The following DGKD variants were observed in gnomAD, a reference collection of about 807,000 sequenced individuals.
DGKD encodes DAG kinase delta.
A neutral mutation model predicts 154.4 loss-of-function variants in DGKD; 68 were observed. The ratio of observed to expected loss-of-function variants is 0.44; its 90% CI spans 0.36 to 0.54. The LOEUF (loss-of-function observed/expected upper bound fraction) is 0.54, where lower values mean the gene tolerates loss of function less well. Ranked by LOEUF, DGKD falls within the 20% of genes least tolerant of loss-of-function variation. The pLI is 0.00. For missense variants in DGKD, 1,343 were observed against 1,593.6 expected (o/e 0.84, Z 2.68); for synonymous variants, 693 against 638.0 (o/e 1.09, Z -1.30).
intron 3 of DGKD, among the ~76,000 whole-genome samples, chr2:233,412,577 C>T (rs1383324305): frequency 6.6e-6 from 1 of 152,130 alleles, no homozygotes; most frequent in Non-Finnish European, 1.5e-5. Context: ...GACTCACATG[C>T]CTTTTATTTA....
chr2:233,379,155 G>C (rs936862388), intron 1 of DGKD, among the ~76,000 whole-genome samples: 1 of 152,168 alleles, frequency 6.6e-6, no homozygotes, highest in East Asian at 1.9e-4. Context: ...CTTGCAAAGC[G>C]GTGATAGCTA....
chr2:233,416,643 C>T (rs950967748), intron 3 of DGKD, among the ~76,000 whole-genome samples: 5 of 152,204 alleles, frequency 3.3e-5, no homozygotes, highest in Non-Finnish European at 5.9e-5. Flanking sequence ...ATTATGACAG[C>T]GTGGTGGCTG....
intron 3 of DGKD, among the ~76,000 whole-genome samples, chr2:233,414,408 A>C (rs1362656690): frequency 6.6e-6 from 1 of 152,202 alleles, no homozygotes; most frequent in Non-Finnish European, 1.5e-5. Flanking sequence ...ATGGACCTGT[A>C]GTCTCTCCTG....
At chr2:233,398,195 T>G (rs372861125) in intron 3 of DGKD, among the ~76,000 whole-genome samples, 1 of 150,432 alleles carries the variant, frequency 6.6e-6, no homozygotes, top group Admixed American at 6.7e-5. Context: ...CAGGCTGGAG[T>G]GCAGTGGTGC....
intron 3 of DGKD, among the ~76,000 whole-genome samples, chr2:233,431,195 T>C (rs6717577): frequency 6.6e-6 from 1 of 152,136 alleles, no homozygotes; most frequent in African/African-American, 2.4e-5. Flanking sequence ...GTGCACAATC[T>C]GCAAAAGAAA....
intron 26 of DGKD, 162 bp from the exon 27 acceptor site, chr2:233,464,002 G>A (rs1202606394): frequency 7.8e-6 from 7 of 898,404 alleles, no homozygotes; most frequent in African/African-American, 1.7e-5. Flanking sequence ...GTGAGGTTCT[G>A]GGTTTGGTTC....
At chr2:233,430,777 G>A (rs2062482342) in intron 3 of DGKD, among the ~76,000 whole-genome samples, 1 of 152,118 alleles carries the variant, frequency 6.6e-6, no homozygotes, top group Non-Finnish European at 1.5e-5. Context: ...TTTACCTCCT[G>A]TCAGTACTTG....
At chr2:233,380,161 GAA>G (rs1298721548) in intron 1 of DGKD, among the ~76,000 whole-genome samples, 1 of 152,146 alleles carries the variant, frequency 6.6e-6, no homozygotes, top group African/African-American at 2.4e-5. Flanking sequence ...AGTGAAGGAG[GAA>G]AAGAGTTGAG....
At chr2:233,412,964 A>C (rs2061863995) in intron 3 of DGKD, among the ~76,000 whole-genome samples, 1 of 152,112 alleles carries the variant, frequency 6.6e-6, no homozygotes, top group Non-Finnish European at 1.5e-5. Context: ...TTTTTTATTT[A>C]TTGTTGGATT....
At chr2:233,437,665 C>G (rs1018132399) in intron 8 of DGKD, among the ~76,000 whole-genome samples, 186 bp downstream of exon 8, 1 of 152,224 alleles carries the variant, frequency 6.6e-6, no homozygotes, top group African/African-American at 2.4e-5. Flanking sequence ...TGCGGCATTG[C>G]CCTTAGATGG....
Position 233,403,712 on chromosome 2 carries a change from T to C in DGKD, c.348+13229T>C, listed in dbSNP as rs1158395339. On this transcript the variant is annotated intron_variant, in intron 3 of 29. Coordinates refer to ENST00000264057, the MANE Select transcript of DGKD (RefSeq NM_152879.3). ...CGGAGTGTAGTGGCGCGATTTAGGC[T>C]CATTGCAACCTCTGCCTCCCGGGTT... 2.6e-5 allele frequency among the ~76,000 whole-genome samples: 4 copies of C among 151,526 alleles called. No homozygotes were observed. The East Asian group carries it at 7.8e-4, about 30-fold the overall frequency.
intron 1 of DGKD, among the ~76,000 whole-genome samples, chr2:233,361,596 C>T (rs980980976): frequency 5.3e-5 from 8 of 152,082 alleles, no homozygotes; most frequent in South Asian, 2.1e-4. Context: ...GGAGGAGACA[C>T]GAGATCAGAT....
At chr2:233,385,782 A>G (rs1200452323) in intron 1 of DGKD, among the ~76,000 whole-genome samples, 4 of 152,220 alleles carry the variant, frequency 2.6e-5, no homozygotes, top group Admixed American at 2.6e-4. Flanking sequence ...TCTGCAGCAT[A>G]TCTATAGTAC....
At position 233,388,246 on chromosome 2, in the gene DGKD, T is replaced by C. The variant is rs781262943; in HGVS notation, c.157-11T>C. ...AAACGCAAGTTTATGAATATGTTTC[T>C]GTACTTTCAGACCATCATCAAAGAG... On this transcript the variant is annotated splice_polypyrimidine_tract_variant and intron_variant, in intron 1 of 29. Transcript: ENST00000264057. The C allele has an allele frequency of 1.2e-6, 2 of 1,608,436 alleles. No homozygotes were observed. The highest frequency in any genetic ancestry group is 3.4e-5 in the Admixed American group (2 of 57,982).
chr2:233,354,578 G>A lies in DGKD; in HGVS notation c.60G>A (p.Pro20=). 1 of 1,086,418 alleles carries A rather than the reference G, an allele frequency of 9.2e-7. No individual in the cohort carries two copies. The highest frequency in any genetic ancestry group is 1.1e-6 in the Non-Finnish European group (1 of 883,376). The allele number at this position is 1,086,418 out of a possible 1,614,324, so 67.3% of individuals were successfully genotyped here. A position where few individuals can be genotyped will look rare whatever the true frequency, so the allele number is the denominator to read the frequency against. ...CCCCGCAACCGCCTCCGCCGCCGCCGCCCGAGGAGTCGTCCGACAGCGAGC... is the reference window on the plus strand; with the variant it reads ...CCCCGCAACCGCCTCCGCCGCCGCCACCCGAGGAGTCGTCCGACAGCGAGC... ...PGPPQPPPPP[P]PEESSDSEPE... is the part of the protein sequence containing the mutation. The change falls in exon 1 of 30, where the codon CCG becomes CCA. Residue 20 remains proline (P), a synonymous_variant. Transcript: ENST00000264057. This position sits in a 1 kb window ranked among gnomAD's most constrained non-coding sequence, Gnocchi z 4.8.
At chr2:233,400,384 AGG>A (rs1424572678) in intron 3 of DGKD, among the ~76,000 whole-genome samples, 2 of 152,152 alleles carry the variant, frequency 1.3e-5, no homozygotes, top group African/African-American at 4.8e-5. Context: ...GTGGTGATGC[AGG>A]GTGGCCATTT....
Position 233,459,730 on chromosome 2 carries a change from T to A in DGKD, c.2695-27T>A. 1 of 1,608,894 alleles carries A rather than the reference T, an allele frequency of 6.2e-7. No homozygotes were observed. Among genetic ancestry groups the A allele is most frequent in the Non-Finnish European group, 8.5e-7 (1 of 1,177,176 alleles). On this transcript the variant is annotated intron_variant, in intron 22 of 29. Coordinates refer to ENST00000264057, the MANE Select transcript of DGKD (RefSeq NM_152879.3). This position sits in a 1 kb window ranked among gnomAD's most constrained non-coding sequence, Gnocchi z 5.7. Reference sequence around the variant, plus strand: ...AACCCCTGGGGGTTTTGGCTCAGCATGAGTAATGGCTATGATGTCTGCTCA... The same window carrying A: ...AACCCCTGGGGGTTTTGGCTCAGCAAGAGTAATGGCTATGATGTCTGCTCA...
intron 1 of DGKD, among the ~76,000 whole-genome samples, chr2:233,359,975 G>A (rs59292380): frequency 0.011 from 1,618 of 152,306 alleles, 25 homozygotes; most frequent in African/African-American, 0.037. Flanking sequence ...GACTGGCTGG[G>A]TCTGGAAGGT....
chr2:233,374,741 A>C (rs1702482855), intron 1 of DGKD, among the ~76,000 whole-genome samples: 1 of 152,168 alleles, frequency 6.6e-6, no homozygotes, highest in Non-Finnish European at 1.5e-5. Flanking sequence ...TCCTGGGTTC[A>C]AGCAACTTTT....
Sources: allele counts gnomAD v4.1 joint callset (sites outside exome capture counted in the v4.1 genomes callset), GRCh38; gene constraint gnomAD v4.1.1; non-coding constraint Gnocchi (gnomAD v3.1); transcripts MANE v1.5; gene names NCBI Gene and HGNC (gene_info 2026-07-23, HGNC 2026-07-21).